SV2B: variants seen among roughly 807,000 people sequenced by gnomAD.
SV2B encodes the protein solute carrier family 22 member B2.
In SV2B, 41 loss-of-function variants were observed where a neutral mutation model predicts 73.9. The observed-to-expected ratio is 0.56, with a 90% CI of 0.43 to 0.72. SV2B has a LOEUF of 0.72. Ranked by LOEUF, SV2B falls within the 30% of genes least tolerant of loss-of-function variation. SV2B has a pLI of 0.00. For missense variants in SV2B, 764 were observed against 857.8 expected (o/e 0.89, Z 1.37); for synonymous variants, 314 against 314.2 (o/e 1.00, Z 0.01).
intron 2 of SV2B, among the ~76,000 whole-genome samples, chr15:91,244,291 T>C (rs891762257): frequency 6.6e-6 from 1 of 152,208 alleles, no homozygotes; most frequent in African/African-American, 2.4e-5. Context: ...AATTCTTTTG[T>C]CCCTTCATTT....
chr15:91,289,676 CAGA>C lies in SV2B; in HGVS notation c.1865_1867del (p.Gln622del), dbSNP rs2048976982. 1 of 1,612,390 alleles carries C rather than the reference CAGA, an allele frequency of 6.2e-7. No homozygotes were observed. The highest frequency in any genetic ancestry group is 8.5e-7 in the Non-Finnish European group (1 of 1,179,466). On this transcript the variant is annotated inframe_deletion and splice_region_variant, in exon 12 of 13. Transcript: ENST00000394232. The surrounding 1 kb of genome is among the most constrained non-coding windows in gnomAD (Gnocchi z 4.9). The stretch of plus-strand genomic sequence containing the variant: ...CACAGTGGAGCTGTATCCCACCAAC[CAGA>C]GGTCAGTTCTTCCCCAGGCTTTCCT...
chr15:91,263,089 G>A (rs1186057063), intron 6 of SV2B, among the ~76,000 whole-genome samples: 1 of 147,392 alleles, frequency 6.8e-6, no homozygotes, highest in Non-Finnish European at 1.5e-5. Context: ...CATCCACAAA[G>A]ACACGGAGAC....
chr15:91,114,445 C>A (rs1241703469), intron 1 of SV2B, among the ~76,000 whole-genome samples: 6 of 152,194 alleles, frequency 3.9e-5, no homozygotes, highest in African/African-American at 9.7e-5. Flanking sequence ...TGAGGTTAAT[C>A]CTCTTTGTCG....
At chr15:91,207,970 C>T (rs927889759) in intron 1 of SV2B, among the ~76,000 whole-genome samples, 6 of 152,162 alleles carry the variant, frequency 3.9e-5, no homozygotes, top group Non-Finnish European at 8.8e-5. Context: ...TCGCCTGCAT[C>T]AGGGAAGAAG....
rs2049092514 is a variant in SV2B, at chr15:91,292,822, C to T, written c.*270C>T. On this transcript the variant is annotated 3_prime_UTR_variant, in exon 13 of 13. Transcript: ENST00000394232. ...AGTCCAAGGCAGGGAGAGGATTCTC[C>T]AGTGAGTGCACACACTATGCGAGGA... 1 of 359,784 alleles carries T rather than the reference C, an allele frequency of 2.8e-6. No individual in the cohort carries two copies. Among genetic ancestry groups the T allele is most frequent in the Non-Finnish European group, 5.0e-6 (1 of 199,766 alleles). The allele number at this position is 359,784 out of a possible 1,614,324, so 22.3% of individuals were successfully genotyped here.
At position 91,258,692 on chromosome 15, in the gene SV2B, A is replaced by G. The variant is rs2047793338; in HGVS notation, c.918+138A>G. The G allele has an allele frequency of 4.7e-6, 6 of 1,272,180 alleles. No homozygotes were observed. The East Asian group carries it at 1.5e-4, about 32-fold the overall frequency. 78.8% of individuals were successfully genotyped at this position (1,272,180 alleles called of 1,614,324 possible). A position where few individuals can be genotyped will look rare whatever the true frequency, so the allele number is the denominator to read the frequency against. ...AACTCTCCCCTGGTCGGCTGACCTC[A>G]CTCATCATTGAATCTGGCACCTGCC... On this transcript the variant is annotated intron_variant, in intron 5 of 12. Coordinates refer to ENST00000394232, the MANE Select transcript of SV2B (RefSeq NM_001323032.3). This position sits in a 1 kb window ranked among gnomAD's most constrained non-coding sequence, Gnocchi z 4.7.
intron 1 of SV2B, among the ~76,000 whole-genome samples, chr15:91,187,340 GA>G (rs1409681852): frequency 6.6e-6 from 1 of 152,180 alleles, no homozygotes; most frequent in African/African-American, 2.4e-5. Context: ...AGTAAGAGAT[GA>G]ATTTCAGAGT....
Position 91,284,064 on chromosome 15 carries a change from C to T in SV2B, c.1551C>T (p.Ser517=). 6.2e-7 allele frequency: 1 copy of T among 1,614,190 alleles called. No individual in the cohort carries two copies. The highest frequency in any genetic ancestry group is 8.5e-7 in the Non-Finnish European group (1 of 1,180,038). Reference sequence around the variant, plus strand: ...TCATCAACTGTCGGTTTATCAACTCCACCTTCCTGGAGCAGAAGGAGGGCT... The same window carrying T: ...TCATCAACTGTCGGTTTATCAACTCTACCTTCCTGGAGCAGAAGGAGGGCT... ...HKFINCRFIN[S]TFLEQKEGCH... The change falls in exon 11 of 13, where the codon TCC becomes TCT. Residue 517 remains serine, a synonymous_variant. Transcript: ENST00000394232. The surrounding 1 kb of genome is among the most constrained non-coding windows in gnomAD (Gnocchi z 4.5).
At chr15:91,199,197 A>G (rs2045372308) in intron 1 of SV2B, among the ~76,000 whole-genome samples, 1 of 152,196 alleles carries the variant, frequency 6.6e-6, no homozygotes, top group African/African-American at 2.4e-5. Flanking sequence ...TGTAAACTAT[A>G]GAGAGTAAAC....
intron 11 of SV2B, among the ~76,000 whole-genome samples, chr15:91,286,037 T>G (rs2141782008): frequency 6.6e-6 from 1 of 152,308 alleles, no homozygotes; most frequent in Non-Finnish European, 1.5e-5. Flanking sequence ...GATCTAGAAC[T>G]AATATTTAAT....
intron 1 of SV2B, among the ~76,000 whole-genome samples, chr15:91,190,166 AC>A (rs957995224): frequency 3.9e-5 from 6 of 152,176 alleles, no homozygotes; most frequent in African/African-American, 1.4e-4. Flanking sequence ...CATGTGCACA[AC>A]GTGCAGGTTT....
Position 91,122,580 on chromosome 15 carries a change from G to A in SV2B, c.-392+22217G>A, listed in dbSNP as rs1257517246. 6.6e-6 allele frequency among the ~76,000 whole-genome samples: 1 copy of A among 152,204 alleles called. No individual in the cohort carries two copies. Among genetic ancestry groups the A allele is most frequent in the African/African-American group, 2.4e-5 (1 of 41,458 alleles). ...CTCTCCATCCTTTTTGCTGCTTCTA[G>A]TGACTGCTTTGTCTGAGTGATTTAA... On this transcript the variant is annotated intron_variant, in intron 1 of 12. Transcript: ENST00000394232. The surrounding 1 kb of genome is among the most constrained non-coding windows in gnomAD (Gnocchi z 4.3).
intron 4 of SV2B, among the ~76,000 whole-genome samples, chr15:91,257,334 A>G (rs2047733972): frequency 6.6e-6 from 1 of 152,212 alleles, no homozygotes; most frequent in Non-Finnish European, 1.5e-5. Context: ...GTGCAGTTCG[A>G]TGGGATCAGA....
At chr15:91,219,634 A>G (rs998073605) in intron 1 of SV2B, among the ~76,000 whole-genome samples, 12 of 152,202 alleles carry the variant, frequency 7.9e-5, no homozygotes, top group African/African-American at 2.9e-4. Context: ...TATATTTTAT[A>G]TACCATAAAA....
rs756474473 is a variant in SV2B at position 91,120,811 on chromosome 15, C to CAAAAAA, written c.-392+20458_-392+20463dup. On this transcript the variant is annotated intron_variant, in intron 1 of 12. Transcript: ENST00000394232. ...TGTGTGACAGAGTGAGAACCTGTCTCAAAAAAAAAAAAAAAGAAAGAAAAA... is the reference window on the plus strand; with the variant it reads ...TGTGTGACAGAGTGAGAACCTGTCTCAAAAAAAAAAAAAAAAAAAAAGAAAGAAAAA... Among the ~76,000 whole-genome samples, 8 of 97,276 alleles carry CAAAAAA rather than the reference C, an allele frequency of 8.2e-5. 1 individual carries two copies. Among genetic ancestry groups the CAAAAAA allele is most frequent in the African/African-American group, 1.4e-4 (3 of 21,900 alleles). 63.8% of individuals were successfully genotyped at this position (97,276 alleles called of 152,430 possible).
Position 91,298,718 on chromosome 15 carries a change from T to G in SV2B, c.*6166T>G, listed in dbSNP as rs1467495563. 2 of 152,180 alleles carry G rather than the reference T, an allele frequency of 1.3e-5. No individual in the cohort carries two copies. Among genetic ancestry groups the G allele is most frequent in the African/African-American group, 2.4e-5 (1 of 41,436 alleles). The allele number at this position is 152,180 out of a possible 1,614,324, so 9.4% of individuals were successfully genotyped here. ...TACAGGCTTAAAATACTTTAAAATTTCAGAGACCATTAATATGTATTCCTT... is the reference window on the plus strand; with the variant it reads ...TACAGGCTTAAAATACTTTAAAATTGCAGAGACCATTAATATGTATTCCTT... On this transcript the variant is annotated 3_prime_UTR_variant, in exon 13 of 13. Transcript: ENST00000394232. This position sits in a 1 kb window ranked among gnomAD's most constrained non-coding sequence, Gnocchi z 5.4.
In SV2B at chr15:91,146,491, GT is replaced by G. The variant is rs560933362; in HGVS notation, c.-392+46129del. On this transcript the variant is annotated intron_variant, in intron 1 of 12. Coordinates refer to ENST00000394232, the MANE Select transcript of SV2B (RefSeq NM_001323032.3). ...TCGAGTTTTGTGAAGAATGTCAACG[GT>G]AGTTTAATAGGAATAGCATTGAATC... Among the ~76,000 whole-genome samples, 812 of 152,266 alleles carry G rather than the reference GT, an allele frequency of 5.3e-3. 5 individuals are homozygous for G. The highest frequency in any genetic ancestry group is 0.018 in the African/African-American group (768 of 41,546).
intron 1 of SV2B, among the ~76,000 whole-genome samples, chr15:91,120,567 A>AT: frequency 6.6e-6 from 1 of 152,246 alleles, no homozygotes; most frequent in East Asian, 1.9e-4. Flanking sequence ...TAATCTCAGC[A>AT]GTTTGGGAGG....
chr15:91,260,288 A>T, intron 5 of SV2B, 32 bp from the exon 6 acceptor site: 1 of 1,584,868 alleles, frequency 6.3e-7, no homozygotes, highest in Non-Finnish European at 8.6e-7. Context: ...TCAGCAATGA[A>T]TTTTTCCTGT....
Sources: gnomAD v4.1 joint callset for allele counts (sites outside exome capture counted in the v4.1 genomes callset) on GRCh38, gnomAD v4.1.1 for gene constraint, Gnocchi (gnomAD v3.1) non-coding constraint, MANE v1.5 for transcripts, NCBI Gene and HGNC (gene_info 2026-07-23, HGNC 2026-07-21) for gene names.